Variants in FKBP5 observed in about 807,000 individuals in gnomAD.
FKBP5 encodes the protein FKBP prolyl isomerase 5.
A neutral mutation model predicts 50.5 loss-of-function variants in FKBP5; 23 were observed. The observed-to-expected ratio is 0.46, with a 90% CI of 0.33 to 0.65. The LOEUF is 0.65. FKBP5 is among the 30% of genes least tolerant of loss of function. The pLI, the probability that FKBP5 is intolerant of heterozygous loss-of-function variation, is 0.02. For missense variants in FKBP5, 411 were observed against 553.1 expected, an observed-to-expected ratio of 0.74 and a Z score of 2.58; for synonymous variants, 176 against 190.6, an observed-to-expected ratio of 0.92 and a Z score of 0.63.
chr6:35,706,496 C>A (rs1766318445), intron 2 of FKBP5, among the ~76,000 whole-genome samples: 2 of 151,498 alleles, frequency 1.3e-5, no homozygotes, highest in South Asian at 4.2e-4. Context: ...GCACCTCACT[C>A]ATAATGAAAA....
chr6:35,649,643 A>C lies in FKBP5; in HGVS notation c.-19-6800T>G, dbSNP rs1764733665. ...AGAGAGGCAAAAGTCACAGGTGAGAAGTTTGATACTTATACTAGGGTTATA... is the reference window on the plus strand; with the variant it reads ...AGAGAGGCAAAAGTCACAGGTGAGACGTTTGATACTTATACTAGGGTTATA... On this transcript the variant is annotated intron_variant, in intron 1 of 10. Transcript: ENST00000357266. Among the ~76,000 whole-genome samples the C allele has an allele frequency of 2.0e-5, 3 of 152,208 alleles. No individual in the cohort carries two copies. The South Asian group carries it at 6.2e-4, about 31-fold the overall frequency.
At chr6:35,601,687 T>C (rs1355418127) in intron 5 of FKBP5, among the ~76,000 whole-genome samples, 1 of 152,174 alleles carries the variant, frequency 6.6e-6, no homozygotes, top group Non-Finnish European at 1.5e-5. Flanking sequence ...TATTTAATAA[T>C]AACCATCGTG....
intron 1 of FKBP5, among the ~76,000 whole-genome samples, chr6:35,667,004 G>A (rs1397386327): frequency 1.4e-5 from 2 of 139,016 alleles, no homozygotes; most frequent in African/African-American, 5.4e-5. Context: ...ATTTTCACTT[G>A]TTTTGTGTGT....
chr6:35,662,677 G>A (rs1347496571), intron 1 of FKBP5, among the ~76,000 whole-genome samples: 3 of 151,926 alleles, frequency 2.0e-5, no homozygotes, highest in South Asian at 2.1e-4. Context: ...AAGAGAACAA[G>A]GATTACCTAG....
At chr6:35,585,128 T>A in intron 8 of FKBP5, 1 of 983,742 alleles carries the variant, frequency 1.0e-6, no homozygotes, top group Non-Finnish European at 1.2e-6. Context: ...ATAATTCTAG[T>A]CAAAGGCCAA....
chr6:35,690,955 G>A (rs111867369), upstream of FKBP5, among the ~76,000 whole-genome samples: 4,042 of 151,894 alleles, frequency 0.027, 117 homozygotes, highest in African/African-American at 0.065. Context: ...GCAGTGAGCC[G>A]AGATGGCACC....
intron 2 of FKBP5, among the ~76,000 whole-genome samples, chr6:35,639,082 T>C (rs564094544): frequency 2.6e-4 from 39 of 152,346 alleles, no homozygotes; most frequent in Non-Finnish European, 4.9e-4. Flanking sequence ...ATTTTTAAAA[T>C]ATAAATCCAT....
chr6:35,591,295 C>G, intron 6 of FKBP5, 75 bp from the exon 7 acceptor site: 2 of 978,410 alleles, frequency 2.0e-6, no homozygotes, highest in Middle Eastern at 2.6e-4. Context: ...TATTTTGAGG[C>G]ATCAACAGAG....
intron 1 of FKBP5, among the ~76,000 whole-genome samples, chr6:35,664,308 A>C (rs557113875): frequency 5.3e-5 from 8 of 152,174 alleles, no homozygotes; most frequent in Admixed American, 1.3e-4. Flanking sequence ...TTAGACCCAC[A>C]GATATTCAAA....
chr6:35,575,047 A>T lies in FKBP5; in HGVS notation c.*788T>A, dbSNP rs2150947323. ...GCACAATTCTGATTGCTCTTTTCAC[A>T]TTTCAGTATCTCAGAACTTCATCGA... On this transcript the variant is annotated 3_prime_UTR_variant, in exon 11 of 11. Coordinates refer to ENST00000357266, the MANE Select transcript of FKBP5 (RefSeq NM_004117.4). 6.6e-6 allele frequency: 1 copy of T among 152,368 alleles called. No individual in the cohort carries two copies. Among genetic ancestry groups the T allele is most frequent in the East Asian group, 1.9e-4 (1 of 5,192 alleles). 9.4% of individuals were successfully genotyped at this position (152,368 alleles called of 1,614,324 possible).
chr6:35,665,810 G>A (rs930171201), intron 1 of FKBP5, among the ~76,000 whole-genome samples: 4 of 152,080 alleles, frequency 2.6e-5, no homozygotes, highest in Admixed American at 1.3e-4. Flanking sequence ...GTGAGAAGGC[G>A]ATACACATTC....
intron 2 of FKBP5, among the ~76,000 whole-genome samples, chr6:35,695,369 T>G (rs747741148): frequency 1.1e-4 from 17 of 152,340 alleles, no homozygotes; most frequent in Non-Finnish European, 1.2e-4. Context: ...TTTCACCATG[T>G]TGGCCAGGCT....
At chr6:35,669,473 G>A (rs1043000430) in intron 1 of FKBP5, among the ~76,000 whole-genome samples, 4 of 152,032 alleles carry the variant, frequency 2.6e-5, no homozygotes, top group Non-Finnish European at 5.9e-5. Context: ...GTTTTCAAAA[G>A]AGCATGGTTT....
Position 35,610,076 on chromosome 6 carries a change from C to T in FKBP5, c.508+9020G>A, listed in dbSNP as rs544474818. Among the ~76,000 whole-genome samples, 21 of 152,156 alleles carry T rather than the reference C, an allele frequency of 1.4e-4. No individual in the cohort carries two copies. The East Asian group carries it at 4.0e-3, about 29-fold the overall frequency. On this transcript the variant is annotated intron_variant, in intron 5 of 10. Coordinates refer to ENST00000357266, the MANE Select transcript of FKBP5 (RefSeq NM_004117.4). ...TTTTTCTAAGCAGTTGGATATGTTT[C>T]CATGGCAGGCCTTTCTGCAAAAGGA...
intron 2 of FKBP5, among the ~76,000 whole-genome samples, chr6:35,697,502 G>A (rs1175370046): frequency 7.1e-6 from 1 of 141,482 alleles, no homozygotes; most frequent in East Asian, 2.1e-4. Context: ...AGCCAAGATG[G>A]CACCATTGCA....
intron 5 of FKBP5, 30 bp downstream of exon 5, chr6:35,619,066 G>A: frequency 6.8e-7 from 1 of 1,461,224 alleles, no homozygotes; most frequent in East Asian, 2.3e-5. Flanking sequence ...CAACTTTTAA[G>A]GACTAGTTCC....
chr6:35,709,914 G>A (rs1402490699), intron 2 of FKBP5, among the ~76,000 whole-genome samples: 4 of 151,874 alleles, frequency 2.6e-5, no homozygotes, highest in African/African-American at 7.3e-5. Context: ...TGTTCATGGA[G>A]CTGATGTTCT....
chr6:35,627,177 C>G (rs75455884), intron 3 of FKBP5, among the ~76,000 whole-genome samples: 165 of 152,246 alleles, frequency 1.1e-3, no homozygotes, highest in African/African-American at 3.7e-3. Context: ...CCATTCTAAC[C>G]GGTATGAGGG....
chr6:35,705,240 ATATATATATATATATATATTTTTTT>A (rs1352062593), intron 2 of FKBP5, among the ~76,000 whole-genome samples: 2 of 35,192 alleles, frequency 5.7e-5, no homozygotes, highest in Non-Finnish European at 1.0e-4. Context: ...ATATATATAT[ATATATATATATATATATATTTTTTT>A]TTTTTTTTTT....
Sources: gnomAD v4.1 joint callset for allele counts (sites outside exome capture counted in the v4.1 genomes callset) on GRCh38, gnomAD v4.1.1 for gene constraint, MANE v1.5 for transcripts, NCBI Gene and HGNC (gene_info 2026-07-23, HGNC 2026-07-21) for gene names.